Variants in MYT1L observed in about 807,000 individuals in gnomAD.
MYT1L encodes myelin transcription factor 1-like protein.
Under a neutral mutation model 126.7 loss-of-function variants are expected in MYT1L, and 12 were observed. That is an observed-to-expected ratio of 0.09 (90% CI 0.06 to 0.15). The LOEUF (loss-of-function observed/expected upper bound fraction) is 0.15, where lower values mean the gene tolerates loss of function less well. Ranked by LOEUF, MYT1L falls within the 10% of genes least tolerant of loss-of-function variation. The probability of loss-of-function intolerance (pLI) is 1.00; values close to 1 mark genes in which losing one functional copy is unlikely to be tolerated. For missense variants in MYT1L, 979 were observed against 1,585.2 expected, an observed-to-expected ratio of 0.62 and a Z score of 6.49; for synonymous variants, 541 against 604.2, an observed-to-expected ratio of 0.90 and a Z score of 1.53.
chr2:2,292,809 A>T (rs756122481), intron 1 of MYT1L, among the ~76,000 whole-genome samples: 1 of 152,166 alleles, frequency 6.6e-6, no homozygotes, highest in Non-Finnish European at 1.5e-5. Flanking sequence ...CTGACAAACT[A>T]TTCTCCCTAA....
intron 1 of MYT1L, among the ~76,000 whole-genome samples, chr2:2,309,827 A>G (rs530682935): frequency 2.0e-5 from 3 of 151,786 alleles, no homozygotes; most frequent in South Asian, 2.1e-4. Flanking sequence ...GGCATACTCT[A>G]TATAGACTCC....
At chr2:2,003,923 A>G (rs1262670651) in intron 4 of MYT1L, among the ~76,000 whole-genome samples, 6 of 152,100 alleles carry the variant, frequency 3.9e-5, no homozygotes, top group Non-Finnish European at 8.8e-5. Flanking sequence ...CCTTTCGTGC[A>G]TGCCTTCTTT....
intron 3 of MYT1L, among the ~76,000 whole-genome samples, chr2:2,055,488 T>C (rs2150113645): frequency 6.6e-6 from 1 of 152,370 alleles, no homozygotes; most frequent in Non-Finnish European, 1.5e-5. Context: ...CTGTGATTAA[T>C]GTTTATATAG....
chr2:2,090,572 T>C (rs536013587), intron 3 of MYT1L, among the ~76,000 whole-genome samples: 1 of 152,122 alleles, frequency 6.6e-6, no homozygotes, highest in Non-Finnish European at 1.5e-5. Context: ...TTGTTGAAGG[T>C]TGGGTGGCTG....
At chr2:2,243,653 A>G (rs564714373) in intron 2 of MYT1L, among the ~76,000 whole-genome samples, 150 of 152,318 alleles carry the variant, frequency 9.8e-4, no homozygotes, top group Non-Finnish European at 1.9e-3. Flanking sequence ...GTTGCACTCA[A>G]TCCACACTGC....
chr2:2,121,777 G>GT (rs1469720339), intron 3 of MYT1L, among the ~76,000 whole-genome samples: 1 of 152,146 alleles, frequency 6.6e-6, no homozygotes, highest in Non-Finnish European at 1.5e-5. Context: ...GAGCCACCGC[G>GT]TTTTTTCAAG....
Position 1,917,186 on chromosome 2 carries a change from C to T in MYT1L, c.1618+19G>A, listed in dbSNP as rs367984800. On this transcript the variant is annotated intron_variant, in intron 11 of 24. Coordinates refer to ENST00000647738, the MANE Select transcript of MYT1L (RefSeq NM_001303052.2). The surrounding 1 kb of genome is among the most constrained non-coding windows in gnomAD (Gnocchi z 5.9). ...TGGGTGTTTGCACCCCCAAGGGTAG[C>T]GGTGAGACGTGGACTTACTTTCTGG... 371 of 1,607,194 alleles carry T rather than the reference C, an allele frequency of 2.3e-4. 1 individual carries two copies. Among genetic ancestry groups the T allele is most frequent in the South Asian group, 1.2e-3 (104 of 90,270 alleles).
At chr2:1,913,254 A>G (rs2052321197) in intron 11 of MYT1L, among the ~76,000 whole-genome samples, 1 of 152,196 alleles carries the variant, frequency 6.6e-6, no homozygotes, top group East Asian at 1.9e-4. Context: ...TCCCTTCAGC[A>G]GAGTTTGCTT....
chr2:1,946,540 A>G (rs565047291), intron 8 of MYT1L, among the ~76,000 whole-genome samples: 1 of 152,088 alleles, frequency 6.6e-6, no homozygotes, highest in Non-Finnish European at 1.5e-5. Context: ...TTTGGATGCC[A>G]CTTTTTAAGT....
intron 9 of MYT1L, among the ~76,000 whole-genome samples, chr2:1,931,057 G>A (rs1007131550): frequency 2.0e-5 from 3 of 152,184 alleles, no homozygotes; most frequent in African/African-American, 7.2e-5. Context: ...GGTCCTGTCT[G>A]CACACACCCT....
intron 5 of MYT1L, among the ~76,000 whole-genome samples, chr2:1,980,490 A>C: frequency 6.6e-6 from 1 of 152,016 alleles, no homozygotes; most frequent in East Asian, 1.9e-4. Context: ...TGTCCTCCAC[A>C]TTTATCTAAA....
chr2:2,323,990 C>A (rs954190875), intron 1 of MYT1L: 6 of 152,138 alleles, frequency 3.9e-5, no homozygotes, highest in Non-Finnish European at 8.8e-5. Context: ...TAAAAACAGT[C>A]ATCTCTAAAC....
intron 8 of MYT1L, among the ~76,000 whole-genome samples, chr2:1,945,189 T>C (rs1353541013): frequency 6.6e-6 from 1 of 152,070 alleles, no homozygotes; most frequent in African/African-American, 2.4e-5. Flanking sequence ...CGTGGATGAA[T>C]GATGGGACTC....
chr2:1,876,361 T>C (rs886457539), intron 18 of MYT1L, among the ~76,000 whole-genome samples: 5 of 152,106 alleles, frequency 3.3e-5, no homozygotes, highest in African/African-American at 9.7e-5. Flanking sequence ...CGTCCACGCG[T>C]GGCCTTCGTG....
At chr2:2,012,033 CG>C (rs2063877421) in intron 4 of MYT1L, among the ~76,000 whole-genome samples, 1 of 152,178 alleles carries the variant, frequency 6.6e-6, no homozygotes, top group Non-Finnish European at 1.5e-5. Context: ...AGCTCCTGAA[CG>C]GATTCACCAG....
At chr2:2,008,627 T>C (rs1037615411) in intron 4 of MYT1L, among the ~76,000 whole-genome samples, 1 of 152,216 alleles carries the variant, frequency 6.6e-6, no homozygotes, top group Non-Finnish European at 1.5e-5. Context: ...TTCCACTCTA[T>C]AGGCTGCTTT....
chr2:1,861,807 G>A (rs868005606), intron 18 of MYT1L, among the ~76,000 whole-genome samples: 1,089 of 148,468 alleles, frequency 7.3e-3, no homozygotes, highest in Middle Eastern at 0.021. Flanking sequence ...TGTAATCCTA[G>A]ATCTGCCTGC....
chr2:1,897,456 T>G (rs527809022), intron 14 of MYT1L, among the ~76,000 whole-genome samples: 24 of 148,790 alleles, frequency 1.6e-4, no homozygotes, highest in South Asian at 4.2e-4. Flanking sequence ...AAAACTTTTT[T>G]TTTTTTTGTT....
chr2:1,893,878 G>A (rs1012236391), intron 14 of MYT1L, among the ~76,000 whole-genome samples: 6 of 152,190 alleles, frequency 3.9e-5, no homozygotes, highest in Non-Finnish European at 8.8e-5. Flanking sequence ...GGGAAGAGGT[G>A]TGTTATTGGT....
Sources: gnomAD v4.1 joint callset for allele counts (sites outside exome capture counted in the v4.1 genomes callset) on GRCh38, gnomAD v4.1.1 for gene constraint, Gnocchi (gnomAD v3.1) non-coding constraint, MANE v1.5 for transcripts, NCBI Gene and HGNC (gene_info 2026-07-23, HGNC 2026-07-21) for gene names.